The following KCNT1 variants were observed in gnomAD, a reference collection of about 807,000 sequenced individuals.
The protein encoded by KCNT1 is potassium sodium-activated channel subfamily T member 1, also known as potassium channel subfamily T member 1.
A neutral mutation model predicts 147.8 loss-of-function variants in KCNT1; 78 were observed. The observed-to-expected ratio is 0.53, with a 90% CI of 0.44 to 0.64. KCNT1 has a LOEUF of 0.64. Among genes scored for constraint, KCNT1 ranks in the 30% least tolerant of loss-of-function variants. The pLI, the probability that KCNT1 is intolerant of heterozygous loss-of-function variation, is 0.00. For missense variants in KCNT1, 1,419 were observed against 1,750.3 expected (o/e 0.81, Z 3.38); for synonymous variants, 867 against 748.8 (o/e 1.16, Z -2.58).
chr9:135,715,740 A>G (rs1440071660), intron 2 of KCNT1, among the ~76,000 whole-genome samples: 1 of 152,230 alleles, frequency 6.6e-6, no homozygotes, highest in Non-Finnish European at 1.5e-5. Flanking sequence ...AGTCAGTCCT[A>G]GGGACTGTAT....
rs56157148 is a variant in KCNT1, at chr9:135,770,514, T to G, written c.1769+67T>G. ...GCTCTGCTCTGTGCCCTCCCCACCC[T>G]CCCGGTCAGGCACAGGGGTGGCCCT... is the stretch of plus-strand genomic sequence containing the variant. On this transcript the variant is annotated intron_variant, in intron 17 of 30. Transcript: ENST00000371757. 281,917 of 1,528,644 alleles carry G rather than the reference T, an allele frequency of 0.18. 27,085 individuals carry two copies. Among genetic ancestry groups the G allele is most frequent in the Middle Eastern group, 0.24 (1,327 of 5,564 alleles). 94.7% of individuals were successfully genotyped at this position (1,528,644 alleles called of 1,614,324 possible). A position where few individuals can be genotyped will look rare whatever the true frequency, so the allele number is the denominator to read the frequency against.
chr9:135,792,107 C>T lies in KCNT1; in HGVS notation c.3654C>T (p.Cys1218=), dbSNP rs1220228638. 8 of 1,605,074 alleles carry T rather than the reference C, an allele frequency of 5.0e-6. No individual in the cohort carries two copies. The highest frequency in any genetic ancestry group is 6.8e-6 in the Non-Finnish European group (8 of 1,179,486). Residue 1218 remains cysteine (C), a synonymous_variant, in exon 31 of 31, where the codon TGC becomes TGT. Transcript: ENST00000371757. ...ASSSQSRKSS[C]SHKLSSCNPE... is the part of the protein sequence containing the mutation. The stretch of plus-strand genomic sequence containing the variant: ...GCTCCCAGAGCCGGAAGAGCAGCTG[C>T]AGCCACAAGCTGTCGTCCTGCAACC...
At chr9:135,702,918 C>T (rs1835093126) in intron 1 of KCNT1, 1 of 154,146 alleles carries the variant, frequency 6.5e-6, no homozygotes, top group Non-Finnish European at 1.4e-5. Context: ...GGTCACTCCT[C>T]GTTCCCCGCT....
intron 13 of KCNT1, among the ~76,000 whole-genome samples, chr9:135,767,404 A>G (rs1403455318): frequency 6.7e-6 from 1 of 148,338 alleles, no homozygotes; most frequent in Non-Finnish European, 1.5e-5. Flanking sequence ...CCTGGGGCAG[A>G]GGCGACAGTT....
At chr9:135,754,627 G>C (rs1375627728) in intron 5 of KCNT1, among the ~76,000 whole-genome samples, 3 of 152,222 alleles carry the variant, frequency 2.0e-5, no homozygotes, top group Non-Finnish European at 4.4e-5. Context: ...GCCCCTGCCT[G>C]TTTATGGATG....
intron 19 of KCNT1, 107 bp downstream of exon 19, chr9:135,773,056 G>A: frequency 1.4e-6 from 1 of 738,618 alleles, no homozygotes; most frequent in Non-Finnish European, 2.0e-6. Context: ...CTGAATTGCA[G>A]CTTCTGGACA....
chr9:135,756,722 G>T, intron 6 of KCNT1, 151 bp from the exon 7 acceptor site: 1 of 720,790 alleles, frequency 1.4e-6, no homozygotes, highest in Non-Finnish European at 2.5e-6. Flanking sequence ...GGCCTTGGTG[G>T]CTAAGACTGT....
chr9:135,790,671 C>T (rs1834428746), intron 29 of KCNT1: 1 of 152,458 alleles, frequency 6.6e-6, no homozygotes, highest in African/African-American at 2.4e-5. Context: ...TTTCCCTTCT[C>T]AGGGACCAGG....
intron 15 of KCNT1, among the ~76,000 whole-genome samples, chr9:135,769,442 C>A (rs1270173225): frequency 6.6e-6 from 1 of 152,188 alleles, no homozygotes; most frequent in Non-Finnish European, 1.5e-5. Flanking sequence ...GGACGGCAGA[C>A]CCCCATCCTC....
chr9:135,785,662 G>A (rs1473798638), intron 28 of KCNT1: 2 of 548,558 alleles, frequency 3.6e-6, no homozygotes, highest in Non-Finnish European at 6.6e-6. Context: ...CAGCCTCCCA[G>A]GCCTTTCTGA....
intron 24 of KCNT1, 74 bp downstream of exon 24, chr9:135,779,544 AG>A (rs933245120): frequency 2.6e-6 from 3 of 1,148,708 alleles, no homozygotes; most frequent in Non-Finnish European, 3.9e-6. Context: ...CTCAGGGGAA[AG>A]GGGGCCAGTG....
Position 135,788,220 on chromosome 9 carries a change from C to T in KCNT1, c.3502+1699C>T, listed in dbSNP as rs7868146. On this transcript the variant is annotated intron_variant, in intron 29 of 30. Transcript: ENST00000371757. Reference sequence around the variant, plus strand: ...ACAACGGGGCTCGCCAACCCTTCACCGCCGGCAGCCTTGCTGCGCCATCCC... The same window carrying T: ...ACAACGGGGCTCGCCAACCCTTCACTGCCGGCAGCCTTGCTGCGCCATCCC... The T allele has an allele frequency of 2.7e-4, 374 of 1,406,310 alleles. 1 individual carries two copies. In the African/African-American group the frequency reaches 4.5e-3, roughly 17 times the overall value. 87.1% of individuals were successfully genotyped at this position (1,406,310 alleles called of 1,614,324 possible). A position where few individuals can be genotyped will look rare whatever the true frequency, so the allele number is the denominator to read the frequency against.
intron 19 of KCNT1, among the ~76,000 whole-genome samples, chr9:135,774,221 CTGTGTGT>C (rs916920036): frequency 4.4e-5 from 6 of 135,574 alleles, no homozygotes; most frequent in East Asian, 2.3e-4. Context: ...TATGTGGTGT[CTGTGTGT>C]TGTGTGTGGT....
chr9:135,792,852 T>C lies in KCNT1; in HGVS notation c.*691T>C, dbSNP rs899784871. The C allele has an allele frequency of 6.6e-6, 1 of 152,206 alleles. No individual in the cohort carries two copies. The highest frequency in any genetic ancestry group is 1.5e-5 in the Non-Finnish European group (1 of 68,052). 9.4% of individuals were successfully genotyped at this position (152,206 alleles called of 1,614,324 possible). On this transcript the variant is annotated 3_prime_UTR_variant, in exon 31 of 31. Coordinates refer to ENST00000371757, the MANE Select transcript of KCNT1 (RefSeq NM_020822.3). Reference sequence around the variant, plus strand: ...ATTTCCTCTACTTCACACTGAACTGTCCCAGCCACTGCATCTAGGGGGCAT... The same window carrying C: ...ATTTCCTCTACTTCACACTGAACTGCCCCAGCCACTGCATCTAGGGGGCAT...
chr9:135,734,564 T>A (rs1190128817), intron 2 of KCNT1, among the ~76,000 whole-genome samples: 2 of 152,030 alleles, frequency 1.3e-5, no homozygotes, highest in African/African-American at 4.8e-5. Flanking sequence ...GGGCACTCCA[T>A]GGACAACACG....
chr9:135,770,898 A>G lies in KCNT1; in HGVS notation c.1811A>G (p.Lys604Arg). 6.2e-7 allele frequency: 1 copy of G among 1,601,770 alleles called. No homozygotes were observed. Among genetic ancestry groups the G allele is most frequent in the South Asian group, 1.1e-5 (1 of 89,290 alleles). ...CLIGLKREDN[K>R]SILLNPGPRH... ...ATCGGGCTGAAGCGGGAGGACAACA[A>G]GAGCATCCTGCTGAACCCGGGGCCC... is the stretch of plus-strand genomic sequence containing the variant. Residue 604 changes from lysine (K) to arginine (R), a missense_variant, in exon 18 of 31, where the codon AAG becomes AGG. By Grantham distance (26) the Lys-to-Arg change is conservative (BLOSUM62 2). Transcript: ENST00000371757.
chr9:135,785,780 GA>G (rs1444132780), intron 28 of KCNT1: 5 of 430,020 alleles, frequency 1.2e-5, no homozygotes. Flanking sequence ...GTGTTTGCAA[GA>G]GGGATCAGGG....
intron 2 of KCNT1, chr9:135,742,622 C>T: frequency 3.1e-6 from 2 of 652,350 alleles, no homozygotes; most frequent in Non-Finnish European, 5.6e-6. Flanking sequence ...CAGAGCCTCC[C>T]TGCGTGTCTG....
intron 19 of KCNT1, among the ~76,000 whole-genome samples, chr9:135,774,271 T>G (rs549476447): frequency 1.4e-5 from 2 of 138,432 alleles, no homozygotes; most frequent in African/African-American, 5.4e-5. Context: ...TGGTGTCTGT[T>G]GTGTGTGTGG....
Sources: allele counts gnomAD v4.1 joint callset (sites outside exome capture counted in the v4.1 genomes callset), GRCh38; gene constraint gnomAD v4.1.1; transcripts MANE v1.5; gene names NCBI Gene and HGNC (gene_info 2026-07-23, HGNC 2026-07-21).